Variants in FASTKD5 observed in about 807,000 individuals in gnomAD.
The protein encoded by FASTKD5 is FAST kinase domains 5, also known as non-canonical pre-mRNAs endonuclease FASTKD5, mitochondrial.
In FASTKD5, 30 loss-of-function variants were observed where a neutral mutation model predicts 44.0. That is an observed-to-expected ratio of 0.68 (90% CI 0.51 to 0.93). The LOEUF (loss-of-function observed/expected upper bound fraction) is 0.93. FASTKD5 is among the 40% of genes least tolerant of loss of function. The pLI is 0.00. For missense variants in FASTKD5, 868 were observed against 908.2 expected, an observed-to-expected ratio of 0.96 and a Z score of 0.57; for synonymous variants, 335 against 342.2, an observed-to-expected ratio of 0.98 and a Z score of 0.23.
chr20:3,148,192 C>A lies in FASTKD5; in HGVS notation c.879G>T (p.Gln293His). The change falls in exon 2 of 2, where the codon CAG becomes CAT. Residue 293 changes from glutamine (Q) to histidine (H), a missense_variant. By Grantham distance (24) the Gln-to-His change is conservative. Transcript: ENST00000380266. ...HLIYVIGENR[Q>H]VSQDLMQKLE... Reference sequence around the variant, plus strand: ...ATTTTTGCATTAGGTCCTGGGATACCTGACGATTTTCACCTATAACATAAA... The same window carrying A: ...ATTTTTGCATTAGGTCCTGGGATACATGACGATTTTCACCTATAACATAAA... 6.2e-7 allele frequency: 1 copy of A among 1,613,922 alleles called. No homozygotes were observed. Among genetic ancestry groups the A allele is most frequent in the South Asian group, 1.1e-5 (1 of 91,070 alleles).
At position 3,148,014 on chromosome 20, in the gene FASTKD5, T is replaced by A; in HGVS notation, c.1057A>T (p.Ser353Cys). The A allele has an allele frequency of 6.2e-7, 1 of 1,614,198 alleles. No individual in the cohort carries two copies. The highest frequency in any genetic ancestry group is 1.3e-5 in the African/African-American group (1 of 75,062). Reference sequence around the variant, plus strand: ...TTAACAATATTCACTAAGGAGCGACTACTCAGATGCTGAATGTTAGCACAA... The same window carrying A: ...TTAACAATATTCACTAAGGAGCGACAACTCAGATGCTGAATGTTAGCACAA... ...LACANIQHLS[S>C]RSLVNIVKMF... Residue 353 changes from serine to cysteine, a missense_variant, in exon 2 of 2, where the codon AGT (serine) becomes TGT (cysteine). Ser to Cys is a moderately radical substitution (Grantham distance 112, BLOSUM62 -1). Transcript: ENST00000380266.
Position 3,149,289 on chromosome 20 carries a change from G to T in FASTKD5, c.-190-29C>A. On this transcript the variant is annotated intron_variant, in intron 1 of 1. Transcript: ENST00000380266. The surrounding 1 kb of genome is among the most constrained non-coding windows in gnomAD (Gnocchi z 4.1). The stretch of plus-strand genomic sequence containing the variant: ...AAAAAAGGGTAGATGAAGAATGAGT[G>T]GCTTCTACCTATAAAAGCATCCAAA... The T allele has an allele frequency of 1.8e-6, 1 of 543,008 alleles. No individual in the cohort carries two copies. Among genetic ancestry groups the T allele is most frequent in the Non-Finnish European group, 3.3e-6 (1 of 304,868 alleles). 33.6% of individuals were successfully genotyped at this position (543,008 alleles called of 1,614,324 possible).
Position 3,147,573 on chromosome 20 carries a change from T to C in FASTKD5, c.1498A>G (p.Arg500Gly). 1 of 1,614,200 alleles carries C rather than the reference T, an allele frequency of 6.2e-7. No individual in the cohort carries two copies. The highest frequency in any genetic ancestry group is 8.5e-7 in the Non-Finnish European group (1 of 1,180,046). ...AACTTAGTTCTCTCCTGAGCTAACC[T>C]GACAAACCCTGGACTGAGAGCGAAA... ...IDFALSPGFV[R>G]LAQERTKFDL... Residue 500 changes from arginine (R) to glycine (G), a missense_variant, in exon 2 of 2, where the codon AGG (arginine) becomes GGG (glycine). Physicochemically the swap from Arg to Gly is moderately radical, Grantham distance 125. Coordinates refer to ENST00000380266, the MANE Select transcript of FASTKD5 (RefSeq NM_021826.5).
In FASTKD5 at chr20:3,147,686, A is replaced by G; in HGVS notation, c.1385T>C (p.Met462Thr). The G allele has an allele frequency of 6.2e-7, 1 of 1,614,264 alleles. No individual in the cohort carries two copies. The highest frequency in any genetic ancestry group is 1.7e-5 in the Admixed American group (1 of 60,026). Reference protein sequence around the residue: ...SSLISEIHRKMPEFNQYPEHL... With the variant: ...SSLISEIHRKTPEFNQYPEHL... ...TTCTGGGTACTGGTTGAATTCAGGCATCTTTCTGTGAATCTCACTTATCAG... is the reference window on the plus strand; with the variant it reads ...TTCTGGGTACTGGTTGAATTCAGGCGTCTTTCTGTGAATCTCACTTATCAG... The change falls in exon 2 of 2, where the codon ATG becomes ACG. Residue 462 changes from methionine (M) to threonine (T), a missense_variant. By Grantham distance (81) the Met-to-Thr change is moderately conservative. Coordinates refer to ENST00000380266, the MANE Select transcript of FASTKD5 (RefSeq NM_021826.5).
intron 1 of FASTKD5, among the ~76,000 whole-genome samples, chr20:3,155,068 A>AAAG (rs1555765479): frequency 3.9e-4 from 52 of 132,070 alleles, no homozygotes; most frequent in East Asian, 1.4e-3. Context: ...AAAAAAAAAA[A>AAAG]AAAAGAAAAG....
intron 1 of FASTKD5, among the ~76,000 whole-genome samples, chr20:3,152,353 C>T (rs549162446): frequency 2.6e-5 from 4 of 151,648 alleles, no homozygotes; most frequent in South Asian, 2.1e-4. Flanking sequence ...TGGTGGTGGG[C>T]GCCTGCAATT....
intron 1 of FASTKD5, among the ~76,000 whole-genome samples, chr20:3,152,359 C>A (rs2148625081): frequency 6.6e-6 from 1 of 151,574 alleles, no homozygotes; most frequent in African/African-American, 2.4e-5. Context: ...TGGGCGCCTG[C>A]AATTGCAGCT....
intron 1 of FASTKD5, among the ~76,000 whole-genome samples, chr20:3,158,568 G>A (rs2066713856): frequency 6.6e-6 from 1 of 152,124 alleles, no homozygotes; most frequent in Admixed American, 6.5e-5. Context: ...CCGCCTCCCG[G>A]GGTTCACGCC....
At chr20:3,152,797 T>G (rs1330346089) in intron 1 of FASTKD5, among the ~76,000 whole-genome samples, 1 of 151,700 alleles carries the variant, frequency 6.6e-6, no homozygotes. Context: ...TCCCAGCTAC[T>G]TGAGAGGCTG....
At chr20:3,159,413 G>A (rs903259662) in intron 1 of FASTKD5, among the ~76,000 whole-genome samples, 3 of 152,106 alleles carry the variant, frequency 2.0e-5, no homozygotes, top group Non-Finnish European at 4.4e-5. Flanking sequence ...TAAGCGATTC[G>A]CAGGCACATC....
At chr20:3,155,294 C>T (rs903310206) in intron 1 of FASTKD5, among the ~76,000 whole-genome samples, 69 of 152,126 alleles carry the variant, frequency 4.5e-4, no homozygotes, top group Admixed American at 4.6e-4. Context: ...CTTTGGAAGG[C>T]TGAGGCAGGA....
chr20:3,155,642 A>T (rs79505257), intron 1 of FASTKD5, among the ~76,000 whole-genome samples: 11,361 of 152,314 alleles, frequency 0.075, 531 homozygotes, highest in Middle Eastern at 0.13. Context: ...AAATTAAATT[A>T]AAAAATCCAT....
intron 1 of FASTKD5, among the ~76,000 whole-genome samples, chr20:3,154,555 C>T (rs1345988449): frequency 6.6e-6 from 1 of 152,088 alleles, no homozygotes; most frequent in Non-Finnish European, 1.5e-5. Flanking sequence ...TGGTGGCACA[C>T]ACCTGTGGTC....
At chr20:3,152,426 T>C (rs1024827829) in intron 1 of FASTKD5, among the ~76,000 whole-genome samples, 2 of 151,180 alleles carry the variant, frequency 1.3e-5, no homozygotes, top group African/African-American at 4.9e-5. Flanking sequence ...CACTTGAACC[T>C]GGGAGGCAGA....
chr20:3,157,354 C>T (rs149583341), intron 1 of FASTKD5, among the ~76,000 whole-genome samples: 25 of 152,298 alleles, frequency 1.6e-4, no homozygotes, highest in African/African-American at 5.5e-4. Context: ...CAGTGTCACT[C>T]GCAGGTCTAA....
At chr20:3,157,593 T>C (rs2066699598) in intron 1 of FASTKD5, among the ~76,000 whole-genome samples, 1 of 152,202 alleles carries the variant, frequency 6.6e-6, no homozygotes, top group Admixed American at 6.5e-5. Flanking sequence ...GAGCTACTGC[T>C]TTTAAAGGGT....
chr20:3,154,747 T>C (rs141914501), intron 1 of FASTKD5, among the ~76,000 whole-genome samples: 60 of 152,254 alleles, frequency 3.9e-4, no homozygotes, highest in Middle Eastern at 3.4e-3. Context: ...TTGAGAATAA[T>C]ACTAACATAA....
chr20:3,157,121 G>A (rs142312933), intron 1 of FASTKD5, among the ~76,000 whole-genome samples: 94 of 152,190 alleles, frequency 6.2e-4, no homozygotes, highest in Middle Eastern at 6.8e-3. Flanking sequence ...CAAAAAAACC[G>A]AACTTTCTCT....
At chr20:3,151,067 T>TG (rs2066619182) in intron 1 of FASTKD5, among the ~76,000 whole-genome samples, 1 of 151,874 alleles carries the variant, frequency 6.6e-6, no homozygotes, top group Non-Finnish European at 1.5e-5. Context: ...TGTGTGTGTG[T>TG]TTGTGTGTGT....
Sources: allele counts gnomAD v4.1 joint callset (sites outside exome capture counted in the v4.1 genomes callset), GRCh38; gene constraint gnomAD v4.1.1; non-coding constraint Gnocchi (gnomAD v3.1); transcripts MANE v1.5; gene names NCBI Gene and HGNC (gene_info 2026-07-23, HGNC 2026-07-21).